MAST4: variants seen among roughly 807,000 people sequenced by gnomAD.
MAST4 encodes the protein microtubule associated serine/threonine kinase family member 4.
MAST4 carries 89 observed loss-of-function variants against 162.7 expected under a neutral mutation model. The ratio of observed to expected loss-of-function variants is 0.55; its 90% CI spans 0.46 to 0.65. MAST4 has a LOEUF of 0.65. Among genes scored for constraint, MAST4 ranks in the 30% least tolerant of loss-of-function variants. The pLI is 0.00. For missense variants in MAST4, 3,153 were observed against 3,374.0 expected, an observed-to-expected ratio of 0.93 and a Z score of 1.62; for synonymous variants, 1,479 against 1,361.1, an observed-to-expected ratio of 1.09 and a Z score of -1.91.
chr5:66,640,068 C>G lies in MAST4; in HGVS notation c.363+43050C>G, dbSNP rs536885854. Among the ~76,000 whole-genome samples the G allele has an allele frequency of 4.9e-4, 75 of 152,250 alleles. No individual in the cohort carries two copies. The South Asian group carries it at 0.014, about 29-fold the overall frequency. On this transcript the variant is annotated intron_variant, in intron 1 of 28. Transcript: ENST00000403625. ...ATCCTACAAAACTGCAACTTTGTATCCTTTGACCTACAACTCCCCATTCCC... is the reference window on the plus strand; with the variant it reads ...ATCCTACAAAACTGCAACTTTGTATGCTTTGACCTACAACTCCCCATTCCC...
intron 4 of MAST4, among the ~76,000 whole-genome samples, chr5:66,971,707 C>A: frequency 6.6e-6 from 1 of 152,086 alleles, no homozygotes; most frequent in South Asian, 2.1e-4. Context: ...TTTAGTAGAT[C>A]TTCTTGAGGT....
intron 2 of MAST4, among the ~76,000 whole-genome samples, chr5:66,764,614 T>A (rs1419203053): frequency 6.6e-6 from 1 of 152,010 alleles, no homozygotes; most frequent in East Asian, 1.9e-4. Context: ...TGTGTCTTAG[T>A]TTTTAAACAA....
At chr5:66,876,525 A>G (rs912902095) in intron 3 of MAST4, among the ~76,000 whole-genome samples, 2 of 152,136 alleles carry the variant, frequency 1.3e-5, no homozygotes, top group East Asian at 1.9e-4. Context: ...AATTGTGTGT[A>G]CCAGCTATGA....
At chr5:66,687,607 CAT>C (rs1207196210) in intron 1 of MAST4, among the ~76,000 whole-genome samples, 2 of 146,168 alleles carry the variant, frequency 1.4e-5, no homozygotes, top group African/African-American at 2.6e-5. Context: ...CATATATACA[CAT>C]ATATGTATAC....
In MAST4 at chr5:66,773,044, C is replaced by T. The variant is rs1014498676; in HGVS notation, c.517+13182C>T. On this transcript the variant is annotated intron_variant, in intron 2 of 28. Coordinates refer to ENST00000403625, the MANE Select transcript of MAST4 (RefSeq NM_001164664.2). Reference sequence around the variant, plus strand: ...GTCCTGTCACTCGAGCATACCCAGGCCATTCATCTCTTGCTTACAGCTCAT... The same window carrying T: ...GTCCTGTCACTCGAGCATACCCAGGTCATTCATCTCTTGCTTACAGCTCAT... Among the ~76,000 whole-genome samples, 4 of 152,158 alleles carry T rather than the reference C, an allele frequency of 2.6e-5. No individual in the cohort carries two copies. The East Asian group carries it at 5.8e-4, about 22-fold the overall frequency.
At chr5:66,913,367 G>A (rs968087615) in intron 4 of MAST4, among the ~76,000 whole-genome samples, 1 of 151,794 alleles carries the variant, frequency 6.6e-6, no homozygotes, top group African/African-American at 2.4e-5. Context: ...CATAACTAGA[G>A]TAATATTATA....
chr5:66,604,939 C>T (rs1249396995), intron 1 of MAST4, among the ~76,000 whole-genome samples: 1 of 152,156 alleles, frequency 6.6e-6, no homozygotes, highest in African/African-American at 2.4e-5. Context: ...TCACAAAATC[C>T]TCACATTTGA....
intron 1 of MAST4, among the ~76,000 whole-genome samples, chr5:66,606,860 T>G (rs1190712181): frequency 6.7e-6 from 1 of 150,042 alleles, no homozygotes; most frequent in Non-Finnish European, 1.5e-5. Flanking sequence ...CTCATTTAAA[T>G]TAAATATTAA....
rs187965522 is a variant in MAST4, at chr5:66,887,558, A to G, written c.643-12393A>G. ...GCGCCATATGGAAACAGCATCATCA[A>G]GGGCCCTGGCTACTTTTGTCTTTGC... is the stretch of plus-strand genomic sequence containing the variant. On this transcript the variant is annotated intron_variant, in intron 3 of 28. Coordinates refer to ENST00000403625, the MANE Select transcript of MAST4 (RefSeq NM_001164664.2). 1.7e-3 allele frequency among the ~76,000 whole-genome samples: 257 copies of G among 152,336 alleles called. 1 individual carries two copies. Among genetic ancestry groups the G allele is most frequent in the African/African-American group, 5.9e-3 (246 of 41,574 alleles).
chr5:67,089,103 C>T (rs1056012750), intron 5 of MAST4, among the ~76,000 whole-genome samples: 1 of 152,206 alleles, frequency 6.6e-6, no homozygotes, highest in Non-Finnish European at 1.5e-5. Context: ...TTGGCTTGCC[C>T]TTAGGGATTA....
chr5:66,993,945 T>C (rs1366317255), intron 4 of MAST4, among the ~76,000 whole-genome samples: 1 of 67,884 alleles, frequency 1.5e-5, no homozygotes, highest in African/African-American at 6.3e-5. Flanking sequence ...CCACCAAATC[T>C]GCATTTCTAA....
At chr5:66,778,695 A>G (rs1294064457) in intron 2 of MAST4, among the ~76,000 whole-genome samples, 1 of 152,170 alleles carries the variant, frequency 6.6e-6, no homozygotes, top group Admixed American at 6.5e-5. Context: ...GTGGCTATCT[A>G]TGATTGAGGG....
At chr5:67,019,820 T>C (rs1328083878) in intron 4 of MAST4, among the ~76,000 whole-genome samples, 1 of 152,210 alleles carries the variant, frequency 6.6e-6, no homozygotes, top group Non-Finnish European at 1.5e-5. Context: ...TAGAGTCGTA[T>C]GTTGAAAATC....
At chr5:66,978,229 C>G (rs1440896789) in intron 4 of MAST4, among the ~76,000 whole-genome samples, 1 of 152,190 alleles carries the variant, frequency 6.6e-6, no homozygotes, top group Non-Finnish European at 1.5e-5. Flanking sequence ...CTCCCCTTCA[C>G]TTTCTGAATT....
rs927424760 is a variant in MAST4 at position 66,749,029 on chromosome 5, G to C, written c.364-10680G>C. ...TCTATTCTTTGAGTGGTATAGAACA[G>C]AGATAAGAGTGCCTGAGAGGTGTCA... On this transcript the variant is annotated intron_variant, in intron 1 of 28. Coordinates refer to ENST00000403625, the MANE Select transcript of MAST4 (RefSeq NM_001164664.2). Among the ~76,000 whole-genome samples, 2 of 152,038 alleles carry C rather than the reference G, an allele frequency of 1.3e-5. 1 individual carries two copies. The highest frequency in any genetic ancestry group is 4.8e-5 in the African/African-American group (2 of 41,376).
intron 1 of MAST4, among the ~76,000 whole-genome samples, chr5:66,599,766 T>A (rs1199853884): frequency 1.3e-5 from 2 of 152,228 alleles, no homozygotes; most frequent in Non-Finnish European, 2.9e-5. Context: ...TTGTCTCCAG[T>A]TATTTTGTGA....
At chr5:66,632,752 G>A (rs908390140) in intron 1 of MAST4, among the ~76,000 whole-genome samples, 2 of 152,062 alleles carry the variant, frequency 1.3e-5, no homozygotes. Flanking sequence ...TTTTGGCTTC[G>A]ATATATAGAA....
intron 3 of MAST4, among the ~76,000 whole-genome samples, chr5:66,883,221 C>G (rs72761291): frequency 0.22 from 33,815 of 152,032 alleles, 5,033 homozygotes; most frequent in Non-Finnish European, 0.33. Context: ...AACTGAAAAC[C>G]TACTTTTCAC....
At chr5:67,153,813 G>GT (rs1447146710) in intron 26 of MAST4, among the ~76,000 whole-genome samples, 1 of 152,124 alleles carries the variant, frequency 6.6e-6, no homozygotes, top group African/African-American at 2.4e-5. Flanking sequence ...ATTCTAAATT[G>GT]TAAGTAGTAA....
Sources: allele counts gnomAD v4.1 joint callset (sites outside exome capture counted in the v4.1 genomes callset), GRCh38; gene constraint gnomAD v4.1.1; transcripts MANE v1.5; gene names NCBI Gene and HGNC (gene_info 2026-07-23, HGNC 2026-07-21).